The following MTOR variants were observed in gnomAD, a reference collection of about 807,000 sequenced individuals.
The protein encoded by MTOR is serine/threonine-protein kinase mTOR.
A neutral mutation model predicts 319.8 loss-of-function variants in MTOR; 70 were observed. The observed-to-expected ratio is 0.22, with a 90% confidence interval of 0.18 to 0.27. The LOEUF (loss-of-function observed/expected upper bound fraction) is 0.27. MTOR is among the 10% of genes least tolerant of loss of function. The pLI, the probability that MTOR is intolerant of heterozygous loss-of-function variation, is 1.00. For missense variants in MTOR, 1,890 were observed against 3,274.4 expected, an observed-to-expected ratio of 0.58 and a Z score of 10.32; for synonymous variants, 1,183 against 1,211.4, an observed-to-expected ratio of 0.98 and a Z score of 0.49.
intron 28 of MTOR, among the ~76,000 whole-genome samples, chr1:11,183,329 C>A (rs1377026771): frequency 6.6e-6 from 1 of 152,074 alleles, no homozygotes; most frequent in African/African-American, 2.4e-5. Flanking sequence ...GACAGAGTCT[C>A]TCTATGTTGC....
chr1:11,223,610 A>T (rs1372445792), intron 19 of MTOR, among the ~76,000 whole-genome samples: 1 of 152,202 alleles, frequency 6.6e-6, no homozygotes, highest in African/African-American at 2.4e-5. Context: ...GTTAAGAAAA[A>T]TTAAAGGTGG....
intron 25 of MTOR, among the ~76,000 whole-genome samples, chr1:11,207,409 CTT>C (rs386366225): frequency 4.4e-5 from 5 of 114,162 alleles, no homozygotes; most frequent in South Asian, 3.1e-4. Flanking sequence ...CCCCCTACCT[CTT>C]TTTTTTTTTT....
At chr1:11,172,030 C>CAAA (rs1314310546) in intron 28 of MTOR, among the ~76,000 whole-genome samples, 9 of 84,704 alleles carry the variant, frequency 1.1e-4, no homozygotes, top group African/African-American at 4.0e-4. Context: ...AACTCCATCT[C>CAAA]AAAAAAAAAA....
intron 47 of MTOR, among the ~76,000 whole-genome samples, chr1:11,123,399 C>T (rs1254668170): frequency 6.7e-6 from 1 of 149,232 alleles, no homozygotes; most frequent in South Asian, 2.1e-4. Context: ...TGGGACTACA[C>T]TGTGCCCAGC....
At chr1:11,204,782 A>G in intron 25 of MTOR, 79 bp from the exon 26 acceptor site, 1 of 1,438,124 alleles carries the variant, frequency 7.0e-7, no homozygotes, top group Non-Finnish European at 9.4e-7. Context: ...TTTAATGATT[A>G]TTCTACTTTT....
At chr1:11,125,031 G>A (rs927380414) in intron 46 of MTOR, among the ~76,000 whole-genome samples, 15 of 152,158 alleles carry the variant, frequency 9.9e-5, no homozygotes, top group Non-Finnish European at 1.8e-4. Flanking sequence ...TGGGTAGAGG[G>A]AGAGGTCAGG....
chr1:11,192,720 G>A (rs562743369), intron 28 of MTOR, among the ~76,000 whole-genome samples: 42 of 146,934 alleles, frequency 2.9e-4, no homozygotes, highest in Non-Finnish European at 2.5e-4. Flanking sequence ...ACTATAATCT[G>A]GGAGACAAAG....
At chr1:11,195,713 T>G (rs1041152243) in intron 28 of MTOR, 1 of 152,612 alleles carries the variant, frequency 6.6e-6, no homozygotes, top group African/African-American at 2.4e-5. Flanking sequence ...GGACAGAGTC[T>G]CTCATGGATG....
intron 6 of MTOR, among the ~76,000 whole-genome samples, chr1:11,249,040 A>G (rs1244922024): frequency 6.6e-6 from 1 of 152,160 alleles, no homozygotes; most frequent in Non-Finnish European, 1.5e-5. Flanking sequence ...TCTGACCAAC[A>G]TGGTGAAAAC....
chr1:11,121,181 G>A lies in MTOR; in HGVS notation c.6933+65C>T. On this transcript the variant is annotated intron_variant, in intron 49 of 57. Coordinates refer to ENST00000361445, the MANE Select transcript of MTOR (RefSeq NM_004958.4). This position sits in a 1 kb window ranked among gnomAD's most constrained non-coding sequence, Gnocchi z 4.9. ...CCGCTGTGTGCACATGAACAGATGG[G>A]AGGGCCATCCTATTGCGAGTGGGGG... is the stretch of plus-strand genomic sequence containing the variant. 6.3e-7 allele frequency: 1 copy of A among 1,599,236 alleles called. No individual in the cohort carries two copies. The highest frequency in any genetic ancestry group is 8.5e-7 in the Non-Finnish European group (1 of 1,176,006).
intron 28 of MTOR, chr1:11,194,797 C>G: frequency 6.2e-7 from 1 of 1,604,656 alleles, no homozygotes; most frequent in Non-Finnish European, 8.5e-7. Context: ...AACTCCTTAC[C>G]TGATGTCTGG....
In MTOR at chr1:11,121,850, C is replaced by T; in HGVS notation, c.6810+129G>A. On this transcript the variant is annotated intron_variant, in intron 48 of 57. Transcript: ENST00000361445. The surrounding 1 kb of genome is among the most constrained non-coding windows in gnomAD (Gnocchi z 4.9). ...CTGCTTTAGGACTCACTTTATTAAA[C>T]CTTCTTCAAAGCTGATTCTCTCAAA... is the stretch of plus-strand genomic sequence containing the variant. 1 of 1,268,176 alleles carries T rather than the reference C, an allele frequency of 7.9e-7. No homozygotes were observed. The highest frequency in any genetic ancestry group is 1.1e-6 in the Non-Finnish European group (1 of 927,026). The allele number at this position is 1,268,176 out of a possible 1,614,324, so 78.6% of individuals were successfully genotyped here. A position where few individuals can be genotyped will look rare whatever the true frequency, so the allele number is the denominator to read the frequency against.
At position 11,127,085 on chromosome 1, in the gene MTOR, C is replaced by T. The variant is rs1455010071; in HGVS notation, c.6276G>A (p.Gly2092=). ...AGGCTTGGGTGAGGTCCTTGACATT[C>T]CCTGATTTCATGTACTTCCTGCACC... is the stretch of plus-strand genomic sequence containing the variant. ...QEWCRKYMKS[G]NVKDLTQAWD... The change falls in exon 45 of 58, where the codon GGG becomes GGA. Residue 2092 remains glycine (G), a synonymous_variant. Coordinates refer to ENST00000361445, the MANE Select transcript of MTOR (RefSeq NM_004958.4). The surrounding 1 kb of genome is among the most constrained non-coding windows in gnomAD (Gnocchi z 5.5). The T allele has an allele frequency of 6.2e-7, 1 of 1,614,066 alleles. No homozygotes were observed. Among genetic ancestry groups the T allele is most frequent in the South Asian group, 1.1e-5 (1 of 91,084 alleles).
Position 11,212,392 on chromosome 1 carries a change from G to C in MTOR, c.3481C>G (p.Arg1161Gly), listed in dbSNP as rs202197441. 7.2e-5 allele frequency: 117 copies of C among 1,614,002 alleles called. No homozygotes were observed. The highest frequency in any genetic ancestry group is 9.5e-5 in the Non-Finnish European group (112 of 1,180,014). The stretch of plus-strand genomic sequence containing the variant: ...AGTTCTGGGCTCTGGTCCAGTGTTC[G>C]AACAATAGGGTGAATGATCCGGGAG... The part of the protein sequence containing the change: ...YASRIIHPIV[R>G]TLDQSPELRS... Residue 1161 changes from arginine to glycine, a missense_variant, in exon 23 of 58, where the codon CGA becomes GGA. Physicochemically the swap from Arg to Gly is moderately radical, Grantham distance 125. Transcript: ENST00000361445. The surrounding 1 kb of genome is among the most constrained non-coding windows in gnomAD (Gnocchi z 4.1).
chr1:11,134,489 A>C (rs560305123), intron 36 of MTOR, 23 bp from the exon 37 acceptor site: 1 of 1,610,468 alleles, frequency 6.2e-7, no homozygotes, highest in South Asian at 1.1e-5. Flanking sequence ...AAAGGCACAG[A>C]GAGCCACTTG....
At chr1:11,146,648 A>C in intron 32 of MTOR, 28 bp downstream of exon 32, 9 of 1,562,154 alleles carry the variant, frequency 5.8e-6, no homozygotes, top group Non-Finnish European at 7.9e-6. Flanking sequence ...TTCCTCACTG[A>C]GAGATCTGGG....
intron 1 of MTOR, 108 bp from the exon 2 acceptor site, chr1:11,259,531 G>A (rs2100987210): frequency 1.7e-6 from 2 of 1,181,686 alleles, no homozygotes. Flanking sequence ...TTGTCAGGCA[G>A]GGGATTCTAA....
chr1:11,139,939 C>G (rs1335794498), intron 34 of MTOR, among the ~76,000 whole-genome samples: 1 of 152,210 alleles, frequency 6.6e-6, no homozygotes, highest in Non-Finnish European at 1.5e-5. Flanking sequence ...ATCCAACCGT[C>G]TTGGCCTCCC....
At chr1:11,172,455 G>C (rs1304780314) in intron 28 of MTOR, among the ~76,000 whole-genome samples, 1 of 149,836 alleles carries the variant, frequency 6.7e-6, no homozygotes, top group Non-Finnish European at 1.5e-5. Context: ...AGCTACACAG[G>C]AGACTGAGGC....
Sources: gnomAD v4.1 joint callset for allele counts (sites outside exome capture counted in the v4.1 genomes callset) on GRCh38, gnomAD v4.1.1 for gene constraint, Gnocchi (gnomAD v3.1) non-coding constraint, MANE v1.5 for transcripts, NCBI Gene and HGNC (gene_info 2026-07-23, HGNC 2026-07-21) for gene names.